NCAM2: variants seen among roughly 807,000 people sequenced by gnomAD.
NCAM2 encodes neural cell adhesion molecule 2, also known as N-CAM-2.
Under a neutral mutation model 98.1 loss-of-function variants are expected in NCAM2, and 30 were observed. That is an observed-to-expected ratio of 0.31 (90% CI 0.23 to 0.41). The LOEUF (loss-of-function observed/expected upper bound fraction) is 0.41. Among genes scored for constraint, NCAM2 ranks in the 10% least tolerant of loss-of-function variants. The pLI is 1.00. For missense variants in NCAM2, 867 were observed against 1,005.8 expected, an observed-to-expected ratio of 0.86 and a Z score of 1.87; for synonymous variants, 368 against 342.4, an observed-to-expected ratio of 1.07 and a Z score of -0.83.
rs572136207 is a variant in NCAM2 at position 21,279,475 on chromosome 21, C to G, written c.56-1103C>G. ...CCAGTTTCAAGCAATTCTCCTGCCT[C>G]AGGCTCCCGAGTAGCTGGGATTACA... On this transcript the variant is annotated intron_variant, in intron 1 of 17. Coordinates refer to ENST00000400546, the MANE Select transcript of NCAM2 (RefSeq NM_004540.5). Among the ~76,000 whole-genome samples, 3 of 152,296 alleles carry G rather than the reference C, an allele frequency of 2.0e-5. No individual in the cohort carries two copies. In the South Asian group the frequency reaches 6.2e-4, roughly 32 times the overall value.
At chr21:21,451,332 C>G in intron 12 of NCAM2, among the ~76,000 whole-genome samples, 1 of 152,192 alleles carries the variant, frequency 6.6e-6, no homozygotes, top group East Asian at 1.9e-4. Context: ...GCACATTGAT[C>G]GTTTTATTCT....
intron 1 of NCAM2, among the ~76,000 whole-genome samples, chr21:21,112,369 A>G (rs2066470435): frequency 6.6e-6 from 1 of 152,152 alleles, no homozygotes; most frequent in African/African-American, 2.4e-5. Context: ...AGCAGTGTGA[A>G]AAAAGTAGCT....
chr21:21,127,969 GT>G (rs1180369029), intron 1 of NCAM2, among the ~76,000 whole-genome samples: 1 of 152,076 alleles, frequency 6.6e-6, no homozygotes, highest in African/African-American at 2.4e-5. Context: ...GAGACCTGCA[GT>G]TTGTGATGGC....
intron 4 of NCAM2, among the ~76,000 whole-genome samples, chr21:21,291,201 C>G (rs2073279689): frequency 6.6e-6 from 1 of 151,754 alleles, no homozygotes; most frequent in South Asian, 2.1e-4. Context: ...AGATAATAGT[C>G]AATGAGATCT....
At chr21:21,522,622 T>C (rs547534841) in intron 16 of NCAM2, among the ~76,000 whole-genome samples, 19 of 89,598 alleles carry the variant, frequency 2.1e-4, no homozygotes, top group Admixed American at 1.9e-3. Flanking sequence ...CTTTTTTTCT[T>C]TTTCTTTTTC....
chr21:21,437,818 A>G (rs1209778506), intron 12 of NCAM2, among the ~76,000 whole-genome samples: 1 of 152,098 alleles, frequency 6.6e-6, no homozygotes, highest in Non-Finnish European at 1.5e-5. Context: ...CGAAAATGAT[A>G]TGCATAATTT....
chr21:21,082,955 T>C (rs1367006064), intron 1 of NCAM2, among the ~76,000 whole-genome samples: 2 of 152,230 alleles, frequency 1.3e-5, no homozygotes, highest in African/African-American at 4.8e-5. Flanking sequence ...TCCTAGTTTC[T>C]CTTTTTAGAA....
intron 1 of NCAM2, among the ~76,000 whole-genome samples, chr21:21,215,840 G>GAA (rs772552851): frequency 2.3e-4 from 35 of 152,234 alleles, no homozygotes; most frequent in African/African-American, 7.5e-4. Flanking sequence ...TTCTTTTCAT[G>GAA]AACAGAAAAG....
intron 3 of NCAM2, among the ~76,000 whole-genome samples, chr21:21,284,923 T>G (rs972539711): frequency 1.3e-5 from 2 of 151,730 alleles, no homozygotes; most frequent in African/African-American, 4.8e-5. Context: ...CACTTCATTT[T>G]ATGTCCTGGG....
chr21:21,052,521 A>T (rs1228949027), intron 1 of NCAM2, among the ~76,000 whole-genome samples: 1 of 151,910 alleles, frequency 6.6e-6, no homozygotes, highest in Non-Finnish European at 1.5e-5. Context: ...TATAGTAAAG[A>T]TTCCCCAAAT....
chr21:21,290,625 A>G (rs1253116095), intron 4 of NCAM2, among the ~76,000 whole-genome samples: 2 of 152,010 alleles, frequency 1.3e-5, no homozygotes, highest in East Asian at 3.9e-4. Flanking sequence ...TGGGCTGCAA[A>G]TCATGTGGCC....
At chr21:21,051,723 T>C (rs994610461) in intron 1 of NCAM2, among the ~76,000 whole-genome samples, 7 of 152,214 alleles carry the variant, frequency 4.6e-5, no homozygotes, top group African/African-American at 1.4e-4. Context: ...CATTTGCTGG[T>C]TTACAACCTC....
intron 1 of NCAM2, among the ~76,000 whole-genome samples, chr21:21,115,969 G>A (rs1351912817): frequency 7.4e-6 from 1 of 135,196 alleles, no homozygotes; most frequent in Admixed American, 8.0e-5. Flanking sequence ...GTGTGTGTGT[G>A]TGTGTGTGTG....
intron 17 of NCAM2, among the ~76,000 whole-genome samples, chr21:21,535,952 T>TA (rs1368724502): frequency 6.6e-6 from 1 of 152,140 alleles, no homozygotes; most frequent in Non-Finnish European, 1.5e-5. Flanking sequence ...AAAAACTTAA[T>TA]ATATATTTCA....
At chr21:21,500,760 A>G (rs1316111026) in intron 15 of NCAM2, among the ~76,000 whole-genome samples, 1 of 152,116 alleles carries the variant, frequency 6.6e-6, no homozygotes, top group Non-Finnish European at 1.5e-5. Flanking sequence ...CTATTTGGTA[A>G]GTAAGTTTGT....
In NCAM2 at chr21:21,403,200, G is replaced by A. The variant is rs570548013; in HGVS notation, c.1196-7074G>A. The stretch of plus-strand genomic sequence containing the variant: ...ATTCTTGTTGTAAGACTTGTGACAA[G>A]TTGTGAGAAGCACTATGCCTGGGAC... On this transcript the variant is annotated intron_variant, in intron 9 of 17. Coordinates refer to ENST00000400546, the MANE Select transcript of NCAM2 (RefSeq NM_004540.5). 4.4e-4 allele frequency among the ~76,000 whole-genome samples: 67 copies of A among 152,224 alleles called. No individual in the cohort carries two copies. In the South Asian group the frequency reaches 0.012, roughly 28 times the overall value.
chr21:21,031,839 CGT>C (rs998251898), intron 1 of NCAM2, among the ~76,000 whole-genome samples: 8 of 151,610 alleles, frequency 5.3e-5, no homozygotes, highest in African/African-American at 9.7e-5. Flanking sequence ...CTCACACACA[CGT>C]GTGCTTGTGC....
At chr21:21,128,892 A>T (rs2066880903) in intron 1 of NCAM2, among the ~76,000 whole-genome samples, 2 of 152,188 alleles carry the variant, frequency 1.3e-5, no homozygotes, top group East Asian at 3.8e-4. Context: ...TCAGAAAATA[A>T]TCTTAGAGGG....
At chr21:21,229,043 T>C (rs1404877748) in intron 1 of NCAM2, among the ~76,000 whole-genome samples, 7 of 151,576 alleles carry the variant, frequency 4.6e-5, no homozygotes, top group Non-Finnish European at 8.9e-5. Flanking sequence ...GTGTATGTTC[T>C]TGTGAAATGG....
Sources: gnomAD v4.1 joint callset for allele counts (sites outside exome capture counted in the v4.1 genomes callset) on GRCh38, gnomAD v4.1.1 for gene constraint, MANE v1.5 for transcripts, NCBI Gene and HGNC (gene_info 2026-07-23, HGNC 2026-07-21) for gene names.